Variants in PFKM observed in about 807,000 individuals in gnomAD.
PFKM encodes phosphofructokinase, muscle, also known as ATP-dependent 6-phosphofructokinase, muscle type.
PFKM carries 58 observed loss-of-function variants against 95.5 expected under a neutral mutation model. The observed-to-expected ratio is 0.61, with a 90% CI of 0.49 to 0.76. PFKM has a LOEUF of 0.76. Ranked by LOEUF, PFKM falls within the 30% of genes least tolerant of loss-of-function variation. The probability of loss-of-function intolerance (pLI) is 0.00; values close to 1 mark genes in which losing one functional copy is unlikely to be tolerated. For missense variants in PFKM, 678 were observed against 1,005.4 expected, an observed-to-expected ratio of 0.67 and a Z score of 4.40; for synonymous variants, 336 against 357.2, an observed-to-expected ratio of 0.94 and a Z score of 0.67.
intron 3 of PFKM, among the ~76,000 whole-genome samples, chr12:48,109,262 G>A (rs995608940): frequency 1.1e-4 from 17 of 152,078 alleles, no homozygotes; most frequent in Admixed American, 7.9e-4. Context: ...AGAGATGTAG[G>A]GAAGAGAACA....
intron 3 of PFKM, among the ~76,000 whole-genome samples, chr12:48,113,085 AT>A (rs1232894906): frequency 2.6e-5 from 4 of 152,166 alleles, no homozygotes; most frequent in Non-Finnish European, 5.9e-5. Flanking sequence ...GAAGCAGATA[AT>A]TTAGTTAAAA....
At chr12:48,111,352 G>A (rs967194285) in intron 3 of PFKM, among the ~76,000 whole-genome samples, 5 of 152,154 alleles carry the variant, frequency 3.3e-5, no homozygotes. Flanking sequence ...ACCTTCCTTT[G>A]GAAGTAAAGC....
At chr12:48,136,676 C>T (rs908778176) in intron 10 of PFKM, among the ~76,000 whole-genome samples, 1 of 135,754 alleles carries the variant, frequency 7.4e-6, no homozygotes, top group Non-Finnish European at 1.6e-5. Context: ...TCCTTACCAG[C>T]ATTTGGGGGT....
chr12:48,130,839 C>T (rs1949397586), intron 3 of PFKM, among the ~76,000 whole-genome samples: 1 of 152,178 alleles, frequency 6.6e-6, no homozygotes, highest in East Asian at 1.9e-4. Flanking sequence ...TCTTCTTTTG[C>T]ACCCTTCTCC....
Position 48,131,246 on chromosome 12 carries a change from G to C in PFKM, c.160-70G>C, listed in dbSNP as rs1949447660. The C allele has an allele frequency of 1.8e-5, 19 of 1,073,660 alleles. No individual in the cohort carries two copies. The South Asian group carries it at 2.4e-4, about 13-fold the overall frequency. 66.5% of individuals were successfully genotyped at this position (1,073,660 alleles called of 1,614,324 possible). A position where few individuals can be genotyped will look rare whatever the true frequency, so the allele number is the denominator to read the frequency against. On this transcript the variant is annotated intron_variant, in intron 3 of 22. Coordinates refer to ENST00000359794, the MANE Select transcript of PFKM (RefSeq NM_000289.6). ...TGACTCTCAGAGAATCTCTTCCCAG[G>C]GATCCTGTCTTAATCTTGGGAATTT... is the stretch of plus-strand genomic sequence containing the variant.
intron 6 of PFKM, among the ~76,000 whole-genome samples, chr12:48,133,998 C>T (rs548575021): frequency 6.6e-6 from 1 of 152,272 alleles, no homozygotes; most frequent in South Asian, 2.1e-4. Context: ...CCCGGTTCCT[C>T]CCTGGAACAG....
intron 1 of PFKM, chr12:48,106,240 T>C: frequency 1.6e-6 from 1 of 628,966 alleles, no homozygotes. Context: ...GAAGGGAGCA[T>C]TTAAGACTAG....
upstream of PFKM, chr12:48,118,702 C>T (rs1947890090): frequency 9.2e-6 from 6 of 652,188 alleles, no homozygotes; most frequent in South Asian, 1.0e-4. Flanking sequence ...CCGCCCCCAT[C>T]CCTCCCCACT....
At chr12:48,106,047 A>G in exon 1 of PFKM, 1 of 702,156 alleles carries the variant, frequency 1.4e-6, no homozygotes. Context: ...ACCGGCTGCC[A>G]TGCGAAGGGG....
intron 3 of PFKM, among the ~76,000 whole-genome samples, chr12:48,109,468 C>T (rs1946997887): frequency 6.6e-6 from 1 of 152,264 alleles, no homozygotes; most frequent in East Asian, 1.9e-4. Context: ...AGAAATAAAC[C>T]CAGCTGATGG....
intron 2 of PFKM, among the ~76,000 whole-genome samples, chr12:48,123,617 A>T (rs866191420): frequency 2.0e-4 from 30 of 152,228 alleles, no homozygotes; most frequent in Non-Finnish European, 2.9e-5. Flanking sequence ...AGGATACATG[A>T]CATGGAGACA....
chr12:48,145,148 GAGTGCCCTCTAT>G lies in PFKM; in HGVS notation c.2092+21_2092+32del. ...CCGTAATGGTAGGTGGGGTGAGAGC[GAGTGCCCTCTAT>G]AGAGGCTGGTTCCCCAGTATAGAAG... On this transcript the variant is annotated intron_variant, in intron 21 of 22. Transcript: ENST00000359794. The surrounding 1 kb of genome is among the most constrained non-coding windows in gnomAD (Gnocchi z 4.3). 1 of 1,610,380 alleles carries G rather than the reference GAGTGCCCTCTAT, an allele frequency of 6.2e-7. No homozygotes were observed. Among genetic ancestry groups the G allele is most frequent in the African/African-American group, 1.3e-5 (1 of 74,970 alleles).
At chr12:48,121,037 G>A (rs1415871053) in intron 1 of PFKM, among the ~76,000 whole-genome samples, 1 of 152,196 alleles carries the variant, frequency 6.6e-6, no homozygotes, top group African/African-American at 2.4e-5. Flanking sequence ...TGTAATCCCA[G>A]CTACTCGGGA....
At chr12:48,143,955 G>A in intron 19 of PFKM, 91 bp from the exon 20 acceptor site, 1 of 1,130,686 alleles carries the variant, frequency 8.8e-7, no homozygotes, top group Non-Finnish European at 1.4e-6. Flanking sequence ...AATCCTTGGA[G>A]GAGATAAAAA....
intron 11 of PFKM, among the ~76,000 whole-genome samples, chr12:48,138,874 G>T (rs1190982110): frequency 6.6e-6 from 1 of 151,802 alleles, no homozygotes; most frequent in Non-Finnish European, 1.5e-5. Flanking sequence ...CTAACATGGT[G>T]AAAAATACCA....
chr12:48,129,210 C>CTTTTTTTTTTTTTTTTTTTTT (rs778761447), intron 2 of PFKM, among the ~76,000 whole-genome samples: 2 of 21,996 alleles, frequency 9.1e-5, no homozygotes, highest in African/African-American at 3.0e-4. Context: ...AATTTTCTTT[C>CTTTTTTTTTTTTTTTTTTTTT]TTTTTTTTTT....
chr12:48,134,599 G>C (rs973932449), intron 7 of PFKM, 122 bp from the exon 8 acceptor site: 2 of 808,476 alleles, frequency 2.5e-6, no homozygotes, highest in Non-Finnish European at 4.2e-6. Context: ...CTTGCCCCAC[G>C]AATAAAATGG....
intron 2 of PFKM, among the ~76,000 whole-genome samples, chr12:48,125,718 C>T (rs774954586): frequency 3.3e-5 from 5 of 151,882 alleles, no homozygotes; most frequent in East Asian, 1.9e-4. Flanking sequence ...CTCAGCCTCT[C>T]AAGTAGCTGA....
At position 48,139,331 on chromosome 12, in the gene PFKM, C is replaced by G. The variant is rs531875148; in HGVS notation, c.1109C>G (p.Ala370Gly). 8.7e-6 allele frequency: 14 copies of G among 1,613,656 alleles called. No homozygotes were observed. The highest frequency in any genetic ancestry group is 2.2e-5 in the East Asian group (1 of 44,866). Residue 370 changes from alanine to glycine, a missense_variant, in exon 12 of 23, where the codon GCC (alanine) becomes GGC (glycine). Transcript: ENST00000359794. ...ATGGATGAGAAGAAATTTGACGAAG[C>G]CCTGAAGCTGAGAGGCCGGTGAGGA... The part of the protein sequence containing the change: ...KAMDEKKFDE[A>G]LKLRGRSFMN...
Sources: allele counts gnomAD v4.1 joint callset (sites outside exome capture counted in the v4.1 genomes callset), GRCh38; gene constraint gnomAD v4.1.1; non-coding constraint Gnocchi (gnomAD v3.1); transcripts MANE v1.5; gene names NCBI Gene and HGNC (gene_info 2026-07-23, HGNC 2026-07-21).